The following DRC9 variants were observed in gnomAD, a reference collection of about 807,000 sequenced individuals.
The protein encoded by DRC9 is dynein regulatory complex protein 9.
the DRC9 span, chr3:197,953,639 C>T: frequency 6.8e-6 from 3 of 442,316 alleles, no homozygotes; most frequent in African/African-American, 2.0e-5. Context: ...GTGAGACCTT[C>T]CTTGGCTATT....
the DRC9 span, among the ~76,000 whole-genome samples, chr3:197,938,127 C>T: frequency 3.6e-3 from 544 of 152,026 alleles, 6 homozygotes; most frequent in South Asian, 0.017. Context: ...ACTAGCCTGG[C>T]CAACATGGTG....
chr3:197,946,430 G>A, the DRC9 span, among the ~76,000 whole-genome samples: 37 of 98,526 alleles, frequency 3.8e-4, no homozygotes, highest in African/African-American at 1.7e-3. Flanking sequence ...GCGAGACTCC[G>A]TCTCAAAAAA....
At chr3:197,891,111 A>G in the DRC9 span, among the ~76,000 whole-genome samples, 1 of 152,236 alleles carries the variant, frequency 6.6e-6, no homozygotes, top group Admixed American at 6.5e-5. Context: ...CAGGATTTTA[A>G]GAAGTAGAAG....
chr3:197,935,733 T>G, the DRC9 span, among the ~76,000 whole-genome samples: 3 of 151,894 alleles, frequency 2.0e-5, no homozygotes, highest in Non-Finnish European at 4.4e-5. Flanking sequence ...TCCTCCCACT[T>G]CAGCCTCCCA....
At chr3:197,895,262 C>T in the DRC9 span, among the ~76,000 whole-genome samples, 1 of 152,098 alleles carries the variant, frequency 6.6e-6, no homozygotes, top group Non-Finnish European at 1.5e-5. Context: ...ATTCTATTTA[C>T]ATTATTTTAT....
the DRC9 span, chr3:197,950,333 C>G: frequency 8.2e-7 from 1 of 1,226,964 alleles, no homozygotes; most frequent in Non-Finnish European, 1.0e-6. Context: ...CCATTGATTT[C>G]TACGGGTTTC....
At chr3:197,922,521 T>A in the DRC9 span, among the ~76,000 whole-genome samples, 2 of 151,910 alleles carry the variant, frequency 1.3e-5, no homozygotes, top group African/African-American at 4.8e-5. Context: ...GCCTGGCCAA[T>A]ATGGTGAAAC....
chr3:197,941,342 TC>T, the DRC9 span, among the ~76,000 whole-genome samples: 1 of 64,418 alleles, frequency 1.6e-5, no homozygotes, highest in African/African-American at 1.9e-4. Flanking sequence ...CTCTCTCCCC[TC>T]TGTCTCTTTC....
At chr3:197,938,751 C>T in the DRC9 span, 2 of 1,613,122 alleles carry the variant, frequency 1.2e-6, no homozygotes, top group Non-Finnish European at 1.7e-6. Context: ...TGTCTAGATT[C>T]GTTCCTTCTA....
At chr3:197,954,270 TTG>T in the DRC9 span, 1 of 936,370 alleles carries the variant, frequency 1.1e-6, no homozygotes, top group Admixed American at 2.0e-5. Flanking sequence ...GCTGCAAAAT[TTG>T]TGTATTGCAG....
chr3:197,904,045 TATAC>T, the DRC9 span, among the ~76,000 whole-genome samples: 46 of 102,788 alleles, frequency 4.5e-4, no homozygotes, highest in Non-Finnish European at 8.7e-4. Context: ...CATACATATA[TATAC>T]ATACATATAT....
chr3:197,909,580 G>A, the DRC9 span, among the ~76,000 whole-genome samples: 1 of 152,060 alleles, frequency 6.6e-6, no homozygotes, highest in African/African-American at 2.4e-5. Flanking sequence ...TATTCTGAGT[G>A]TGAGATATAT....
chr3:197,918,468 A>T, the DRC9 span, among the ~76,000 whole-genome samples: 1 of 152,046 alleles, frequency 6.6e-6, no homozygotes, highest in Non-Finnish European at 1.5e-5. Context: ...TTCTTCATCA[A>T]CTGGAATCCT....
chr3:197,933,055 A>AT, the DRC9 span, among the ~76,000 whole-genome samples: 1 of 75,456 alleles, frequency 1.3e-5, no homozygotes. Context: ...TATATAAAAT[A>AT]CATATATTAT....
At chr3:197,925,885 T>A in the DRC9 span, 2 of 655,736 alleles carry the variant, frequency 3.1e-6, no homozygotes, top group Non-Finnish European at 5.6e-6. Context: ...TGCCCGGCTA[T>A]GTTTTCAATA....
the DRC9 span, chr3:197,912,529 G>T: frequency 1.5e-6 from 1 of 679,130 alleles, no homozygotes; most frequent in African/African-American, 1.8e-5. Flanking sequence ...CTATTCAGAT[G>T]CATAACCCTG....
At chr3:197,938,503 A>G in the DRC9 span, 24 of 1,449,820 alleles carry the variant, frequency 1.7e-5, no homozygotes, top group Non-Finnish European at 2.2e-5. Flanking sequence ...TCGCTCATCT[A>G]TGTGTAAATA....
At chr3:197,912,730 T>G in the DRC9 span, 1 of 1,613,892 alleles carries the variant, frequency 6.2e-7, no homozygotes, top group Non-Finnish European at 8.5e-7. Flanking sequence ...GGCCTCTTCT[T>G]CGGTTTTCAT....
At chr3:197,903,890 G>A in the DRC9 span, among the ~76,000 whole-genome samples, 1 of 151,584 alleles carries the variant, frequency 6.6e-6, no homozygotes, top group Non-Finnish European at 1.5e-5. Context: ...CTGGAGGAAT[G>A]CTTGAGCTCG....
Sources: gnomAD v4.1 joint callset for allele counts (sites outside exome capture counted in the v4.1 genomes callset) on GRCh38, gnomAD v4.1.1 for gene constraint, MANE v1.5 for transcripts, NCBI Gene and HGNC (gene_info 2026-07-23, HGNC 2026-07-21) for gene names.